The following WWOX variants were observed in gnomAD, a reference collection of about 807,000 sequenced individuals.
WWOX encodes the protein WW domain containing oxidoreductase, also known as WW domain-containing oxidoreductase.
In WWOX, 69 loss-of-function variants were observed where a neutral mutation model predicts 46.2. The observed-to-expected ratio is 1.49, with a 90% CI of 1.23 to 1.82. The LOEUF (loss-of-function observed/expected upper bound fraction) is 1.82. WWOX is among the 40% of genes most tolerant of loss of function. The pLI is 0.00. For synonymous variants in WWOX, 359 were observed against 202.6 expected, an observed-to-expected ratio of 1.77 and a Z score of -6.56; for missense variants, 919 against 542.6, an observed-to-expected ratio of 1.69 and a Z score of -6.89.
At chr16:79,184,776 A>G (rs1038713692) in intron 8 of WWOX, among the ~76,000 whole-genome samples, 1 of 152,232 alleles carries the variant, frequency 6.6e-6, no homozygotes, top group Non-Finnish European at 1.5e-5. Flanking sequence ...ACCAATGGCA[A>G]TTTGGGTTGT....
At chr16:78,728,105 C>T (rs1287197640) in intron 8 of WWOX, among the ~76,000 whole-genome samples, 1 of 131,532 alleles carries the variant, frequency 7.6e-6, no homozygotes, top group Non-Finnish European at 1.6e-5. Context: ...CACTGTGTCA[C>T]CCAAGCTGGA....
chr16:78,505,588 T>G (rs1034849838), intron 8 of WWOX, among the ~76,000 whole-genome samples: 2 of 152,166 alleles, frequency 1.3e-5, no homozygotes, highest in Non-Finnish European at 2.9e-5. Flanking sequence ...GCCCTACCTC[T>G]TGGGGCCAGC....
At chr16:79,079,145 C>T (rs1207037889) in intron 8 of WWOX, among the ~76,000 whole-genome samples, 1 of 152,192 alleles carries the variant, frequency 6.6e-6, no homozygotes, top group East Asian at 1.9e-4. Flanking sequence ...TGCTCTCTTC[C>T]AAGTAGATAT....
intron 8 of WWOX, among the ~76,000 whole-genome samples, chr16:78,844,417 C>T (rs192520527): frequency 9.2e-5 from 14 of 152,158 alleles, no homozygotes; most frequent in East Asian, 5.8e-4. Context: ...CAGTGGGTTA[C>T]GATGAATAAT....
At chr16:78,122,361 T>A (rs2033137932) in intron 4 of WWOX, among the ~76,000 whole-genome samples, 1 of 152,162 alleles carries the variant, frequency 6.6e-6, no homozygotes, top group South Asian at 2.1e-4. Flanking sequence ...ATTACTTTTT[T>A]ATGGTGTCAG....
chr16:78,235,074 A>C (rs1453911522), intron 5 of WWOX, among the ~76,000 whole-genome samples: 1 of 152,144 alleles, frequency 6.6e-6, no homozygotes, highest in East Asian at 1.9e-4. Flanking sequence ...AAATACACAC[A>C]CACACGTAAT....
intron 5 of WWOX, among the ~76,000 whole-genome samples, chr16:78,311,464 G>A (rs72792337): frequency 0.052 from 7,910 of 152,286 alleles, 341 homozygotes; most frequent in Admixed American, 0.13. Flanking sequence ...GAGCACTGAA[G>A]CAGACACTGA....
At chr16:78,228,046 T>G (rs972924857) in intron 5 of WWOX, among the ~76,000 whole-genome samples, 4 of 152,096 alleles carry the variant, frequency 2.6e-5, no homozygotes, top group Non-Finnish European at 4.4e-5. Context: ...GTTATGGTCA[T>G]CAAACAGCAC....
chr16:78,796,133 C>T (rs901226656), intron 8 of WWOX, among the ~76,000 whole-genome samples: 6 of 152,218 alleles, frequency 3.9e-5, no homozygotes, highest in African/African-American at 1.4e-4. Context: ...ACGCCCCTTG[C>T]CTTCCTTCCA....
At chr16:78,825,591 C>T (rs543272733) in intron 8 of WWOX, 54 of 533,264 alleles carry the variant, frequency 1.0e-4, no homozygotes, top group African/African-American at 9.9e-4. Context: ...GTCGAGTCTG[C>T]AGTACAAACT....
intron 8 of WWOX, among the ~76,000 whole-genome samples, chr16:79,116,332 T>G (rs2150666929): frequency 6.6e-6 from 1 of 152,320 alleles, no homozygotes; most frequent in East Asian, 1.9e-4. Flanking sequence ...TTGACATCAT[T>G]TTACTCACAG....
Position 79,205,547 on chromosome 16 carries a change from T to C in WWOX, c.1057-6061T>C, listed in dbSNP as rs557070716. ...TCTCCAGAACACTTTCTCACACTTC[T>C]AAAGCCTGAAAACAAATATTTGCTT... On this transcript the variant is annotated intron_variant, in intron 8 of 8. Coordinates refer to ENST00000566780, the MANE Select transcript of WWOX (RefSeq NM_016373.4). 7 of 152,336 alleles carry C rather than the reference T, an allele frequency of 4.6e-5. No homozygotes were observed. The East Asian group carries it at 1.4e-3, about 29-fold the overall frequency. The allele number at this position is 152,336 out of a possible 1,614,324, so 9.4% of individuals were successfully genotyped here.
chr16:78,603,672 C>T (rs1241739565), intron 8 of WWOX, among the ~76,000 whole-genome samples: 1 of 151,942 alleles, frequency 6.6e-6, no homozygotes, highest in African/African-American at 2.4e-5. Flanking sequence ...CCAACCTGGG[C>T]AACAGAGTGA....
intron 5 of WWOX, among the ~76,000 whole-genome samples, chr16:78,208,820 C>A (rs564086318): frequency 3.6e-4 from 55 of 152,300 alleles, no homozygotes; most frequent in African/African-American, 1.1e-3. Context: ...AATTAATGTT[C>A]TTATTTGAAA....
chr16:78,533,282 C>G (rs992924647), intron 8 of WWOX, among the ~76,000 whole-genome samples: 1 of 152,018 alleles, frequency 6.6e-6, no homozygotes, highest in African/African-American at 2.4e-5. Flanking sequence ...GTGGCTCATG[C>G]CTGTAATCCC....
Position 78,757,021 on chromosome 16 carries a change from T to C in WWOX, c.1056+324269T>C, listed in dbSNP as rs977494956. 20 of 702,796 alleles carry C rather than the reference T, an allele frequency of 2.8e-5. No homozygotes were observed. The African/African-American group carries it at 3.0e-4, about 10-fold the overall frequency. 43.5% of individuals were successfully genotyped at this position (702,796 alleles called of 1,614,324 possible). A position where few individuals can be genotyped will look rare whatever the true frequency, so the allele number is the denominator to read the frequency against. ...AGCCTCCTGCCAACAGCCATGTGAG[T>C]GAACCACGTTCGAAGTTGATTCTGC... On this transcript the variant is annotated intron_variant, in intron 8 of 8. Coordinates refer to ENST00000566780, the MANE Select transcript of WWOX (RefSeq NM_016373.4).
intron 5 of WWOX, among the ~76,000 whole-genome samples, chr16:78,312,592 G>C (rs28483621): frequency 0.1 from 15,169 of 151,988 alleles, 1,068 homozygotes; most frequent in African/African-American, 0.18. Flanking sequence ...CTAGGCTGGT[G>C]TCGAACTCCT....
At chr16:79,200,251 G>C (rs962575445) in intron 8 of WWOX, among the ~76,000 whole-genome samples, 6 of 152,196 alleles carry the variant, frequency 3.9e-5, no homozygotes, top group African/African-American at 9.7e-5. Flanking sequence ...AAAGGTCCCT[G>C]CTGGTCTGTG....
intron 4 of WWOX, among the ~76,000 whole-genome samples, chr16:78,154,377 C>G (rs1244967441): frequency 6.6e-6 from 1 of 152,022 alleles, no homozygotes; most frequent in Middle Eastern, 3.2e-3. Flanking sequence ...AATCCACAGG[C>G]TCCCGCTGCC....
Sources: gnomAD v4.1 joint callset for allele counts (sites outside exome capture counted in the v4.1 genomes callset) on GRCh38, gnomAD v4.1.1 for gene constraint, MANE v1.5 for transcripts, NCBI Gene and HGNC (gene_info 2026-07-23, HGNC 2026-07-21) for gene names.